OSBPL3: variants seen among roughly 807,000 people sequenced by gnomAD.
OSBPL3 encodes the protein oxysterol binding protein like 3.
A neutral mutation model predicts 120.1 loss-of-function variants in OSBPL3; 65 were observed. That is an observed-to-expected ratio of 0.54 (90% CI 0.44 to 0.67). The LOEUF is 0.67. OSBPL3 is among the 30% of genes least tolerant of loss of function. The pLI is 0.00. For synonymous variants in OSBPL3, 416 were observed against 402.6 expected (o/e 1.03, Z -0.40); for missense variants, 1,004 against 1,082.1 (o/e 0.93, Z 1.01).
chr7:24,863,061 G>GCTACAGAGGACACTGGAAAGAACAA lies in OSBPL3; in HGVS notation c.870+114_870+138dup, dbSNP rs1800801437. 1.5e-6 allele frequency: 1 copy of GCTACAGAGGACACTGGAAAGAACAA among 645,846 alleles called. No homozygotes were observed. The highest frequency in any genetic ancestry group is 2.8e-6 in the Non-Finnish European group (1 of 356,034). 40.0% of individuals were successfully genotyped at this position (645,846 alleles called of 1,614,324 possible). On this transcript the variant is annotated intron_variant, in intron 9 of 22. Coordinates refer to ENST00000313367, the MANE Select transcript of OSBPL3 (RefSeq NM_015550.4). This position sits in a 1 kb window ranked among gnomAD's most constrained non-coding sequence, Gnocchi z 5.8. Reference sequence around the variant, plus strand: ...TAATCTAAGTGATTCAATTCATCTCGCTACAGAGGACACTGGAAAGAACAA... The same window carrying GCTACAGAGGACACTGGAAAGAACAA: ...TAATCTAAGTGATTCAATTCATCTCGCTACAGAGGACACTGGAAAGAACAACTACAGAGGACACTGGAAAGAACAA...
At chr7:24,836,969 G>A (rs748088596) in intron 14 of OSBPL3, among the ~76,000 whole-genome samples, 50 of 152,020 alleles carry the variant, frequency 3.3e-4, no homozygotes, top group Non-Finnish European at 6.5e-4. Flanking sequence ...CAAGTAGCTG[G>A]GACCACAGAT....
At chr7:24,915,015 A>C (rs929271044) in intron 1 of OSBPL3, among the ~76,000 whole-genome samples, 2 of 152,230 alleles carry the variant, frequency 1.3e-5, no homozygotes, top group Non-Finnish European at 2.9e-5. Flanking sequence ...ATCAGATGCC[A>C]ATTTTTTGGT....
At position 24,817,921 on chromosome 7, in the gene OSBPL3, A is replaced by C. The variant is rs1214026655; in HGVS notation, c.1949-1233T>G. ...TACCAACAGAGAAGCCAGGAAATAG[A>C]AAAAGAACAGCAAGAGGATCCCATC... is the stretch of plus-strand genomic sequence containing the variant. On this transcript the variant is annotated intron_variant, in intron 17 of 22. Coordinates refer to ENST00000313367, the MANE Select transcript of OSBPL3 (RefSeq NM_015550.4). The surrounding 1 kb of genome is among the most constrained non-coding windows in gnomAD (Gnocchi z 4.0). Among the ~76,000 whole-genome samples, 1 of 152,200 alleles carries C rather than the reference A, an allele frequency of 6.6e-6. No individual in the cohort carries two copies. The highest frequency in any genetic ancestry group is 2.4e-5 in the African/African-American group (1 of 41,450).
intron 1 of OSBPL3, among the ~76,000 whole-genome samples, chr7:24,923,764 G>C (rs1810704646): frequency 6.6e-6 from 1 of 152,142 alleles, no homozygotes; most frequent in South Asian, 2.1e-4. Flanking sequence ...GTGGGGAGAA[G>C]AGAGATCTTC....
In OSBPL3 at chr7:24,831,709, C is replaced by T. The variant is rs1796385854; in HGVS notation, c.1747-804G>A. On this transcript the variant is annotated intron_variant, in intron 15 of 22. Coordinates refer to ENST00000313367, the MANE Select transcript of OSBPL3 (RefSeq NM_015550.4). This position sits in a 1 kb window ranked among gnomAD's most constrained non-coding sequence, Gnocchi z 4.0. ...GATGTCCAATTTTCCTTTCTAATGTCAGGTAGTAACAATCTCAAGATTTCT... is the reference window on the plus strand; with the variant it reads ...GATGTCCAATTTTCCTTTCTAATGTTAGGTAGTAACAATCTCAAGATTTCT... Among the ~76,000 whole-genome samples, 1 of 152,346 alleles carries T rather than the reference C, an allele frequency of 6.6e-6. No individual in the cohort carries two copies. Among genetic ancestry groups the T allele is most frequent in the African/African-American group, 2.4e-5 (1 of 41,570 alleles).
At chr7:24,979,629 A>C (rs1397386517) in intron 1 of OSBPL3, among the ~76,000 whole-genome samples, 1 of 151,976 alleles carries the variant, frequency 6.6e-6, no homozygotes, top group Non-Finnish European at 1.5e-5. Flanking sequence ...CTGGCGGTCA[A>C]TCCTCTGAGC....
chr7:24,884,422 G>C (rs17150428), intron 2 of OSBPL3, among the ~76,000 whole-genome samples: 3,127 of 152,222 alleles, frequency 0.021, 79 homozygotes, highest in African/African-American at 0.069. Context: ...AGACTCCAAA[G>C]GGTAGCATGA....
Position 24,870,837 on chromosome 7 carries a change from T to C in OSBPL3, c.276A>G (p.Arg92=). 1 of 1,610,550 alleles carries C rather than the reference T, an allele frequency of 6.2e-7. No individual in the cohort carries two copies. Among genetic ancestry groups the C allele is most frequent in the Non-Finnish European group, 8.5e-7 (1 of 1,176,780 alleles). Residue 92 remains arginine (R), a synonymous_variant, in exon 5 of 23, where the codon AGA becomes AGG. Coordinates refer to ENST00000313367, the MANE Select transcript of OSBPL3 (RefSeq NM_015550.4). The part of the protein sequence containing the change: ...KYAKSQTDIE[R]EKLHGCIDVG... ...CATCAATGCAGCCATGCAGCTTCTC[T>C]CTCTCTATCTGCAGAGGCACCAAGA...
rs1806539500 is a variant in OSBPL3, at chr7:24,898,718, A to C, written c.-149-6097T>G. ...TTTAGGCTGGAACCATTTATTTGTCATCACTGAGTAAACAAAACAACAAGC... is the reference window on the plus strand; with the variant it reads ...TTTAGGCTGGAACCATTTATTTGTCCTCACTGAGTAAACAAAACAACAAGC... On this transcript the variant is annotated intron_variant, in intron 1 of 22. Coordinates refer to ENST00000313367, the MANE Select transcript of OSBPL3 (RefSeq NM_015550.4). This position sits in a 1 kb window ranked among gnomAD's most constrained non-coding sequence, Gnocchi z 4.3. Among the ~76,000 whole-genome samples the C allele has an allele frequency of 1.3e-5, 2 of 152,304 alleles. No homozygotes were observed. Among genetic ancestry groups the C allele is most frequent in the South Asian group, 4.1e-4 (2 of 4,826 alleles).
rs1813713863 is a variant in OSBPL3, at chr7:24,946,199, C to T, written c.-150+33687G>A. Among the ~76,000 whole-genome samples, 1 of 152,148 alleles carries T rather than the reference C, an allele frequency of 6.6e-6. No individual in the cohort carries two copies. The highest frequency in any genetic ancestry group is 2.1e-4 in the South Asian group (1 of 4,830). On this transcript the variant is annotated intron_variant, in intron 1 of 22. Transcript: ENST00000313367. This position sits in a 1 kb window ranked among gnomAD's most constrained non-coding sequence, Gnocchi z 4.3. ...GGTCACCTACACATGGTTTCTCCAG[C>T]ATAGAATCTCAGAGTAGCCATACTT...
chr7:24,845,891 C>T (rs539709490), intron 12 of OSBPL3, among the ~76,000 whole-genome samples: 2 of 152,254 alleles, frequency 1.3e-5, no homozygotes, highest in South Asian at 2.1e-4. Context: ...TAGTGAGTGC[C>T]TATAATCCCA....
chr7:24,874,988 T>C (rs2128293437), intron 2 of OSBPL3, among the ~76,000 whole-genome samples: 1 of 152,246 alleles, frequency 6.6e-6, no homozygotes, highest in South Asian at 2.1e-4. Flanking sequence ...GTTGTGACAA[T>C]GATAGGGAGA....
rs1802006042 is a variant in OSBPL3 at position 24,870,849 on chromosome 7, C to A, written c.268-4G>T. 1 of 1,594,988 alleles carries A rather than the reference C, an allele frequency of 6.3e-7. No individual in the cohort carries two copies. The highest frequency in any genetic ancestry group is 1.3e-5 in the African/African-American group (1 of 74,644). ...CATGCAGCTTCTCTCTCTCTATCTG[C>A]AGAGGCACCAAGAGGGTCACTTGGG... On this transcript the variant is annotated splice_region_variant and splice_polypyrimidine_tract_variant and intron_variant, in intron 4 of 22. Coordinates refer to ENST00000313367, the MANE Select transcript of OSBPL3 (RefSeq NM_015550.4).
Position 24,840,707 on chromosome 7 carries a change from T to G in OSBPL3, c.1478A>C (p.Asn493Thr). The change falls in exon 14 of 23, where the codon AAT (asparagine) becomes ACT (threonine). Residue 493 changes from asparagine to threonine, a missense_variant. Transcript: ENST00000313367. ...SLDNLSNDLD[N>T]ERQTLGPVLD... ...AATCTTACCCAAGGTCTGTCTCTCA[T>G]TATCTAAATCATTACTGAGATTATC... is the stretch of plus-strand genomic sequence containing the variant. 1.4e-6 allele frequency: 2 copies of G among 1,420,064 alleles called. No homozygotes were observed. The highest frequency in any genetic ancestry group is 1.9e-6 in the Non-Finnish European group (2 of 1,029,498). The allele number at this position is 1,420,064 out of a possible 1,614,324, so 88.0% of individuals were successfully genotyped here. A position where few individuals can be genotyped will look rare whatever the true frequency, so the allele number is the denominator to read the frequency against.
At position 24,894,214 on chromosome 7, in the gene OSBPL3, C is replaced by A. The variant is rs951517289; in HGVS notation, c.-149-1593G>T. Among the ~76,000 whole-genome samples the A allele has an allele frequency of 3.3e-5, 5 of 152,044 alleles. No individual in the cohort carries two copies. Among genetic ancestry groups the A allele is most frequent in the Admixed American group, 2.0e-4 (3 of 15,252 alleles). ...AGAATCAAAACAATGAAAAGAAATACAAAATCTCAGAAAATGAAATTAAGG... is the reference window on the plus strand; with the variant it reads ...AGAATCAAAACAATGAAAAGAAATAAAAAATCTCAGAAAATGAAATTAAGG... On this transcript the variant is annotated intron_variant, in intron 1 of 22. Transcript: ENST00000313367. This position sits in a 1 kb window ranked among gnomAD's most constrained non-coding sequence, Gnocchi z 4.1.
chr7:24,976,458 T>C (rs1817599739), intron 1 of OSBPL3, among the ~76,000 whole-genome samples: 2 of 152,048 alleles, frequency 1.3e-5, no homozygotes, highest in South Asian at 4.2e-4. Context: ...CTGCAGGGCC[T>C]CCAGGAAAGG....
rs1812001076 is a variant in OSBPL3 at position 24,933,202 on chromosome 7, T to A, written c.-149-40581A>T. On this transcript the variant is annotated intron_variant, in intron 1 of 22. Transcript: ENST00000313367. This position sits in a 1 kb window ranked among gnomAD's most constrained non-coding sequence, Gnocchi z 5.1. The stretch of plus-strand genomic sequence containing the variant: ...TGGGGAATAAAGAGGACAGGGACAT[T>A]CAATTACACGTGTTCAAAGGAGAAA... Among the ~76,000 whole-genome samples, 1 of 152,128 alleles carries A rather than the reference T, an allele frequency of 6.6e-6. No individual in the cohort carries two copies. The highest frequency in any genetic ancestry group is 1.5e-5 in the Non-Finnish European group (1 of 68,012).
rs916631035 is a variant in OSBPL3 at position 24,835,603 on chromosome 7, C to T, written c.1496-867G>A. ...AATATATATTGTTCTACCATAAAGA[C>T]GCATGCACGTGTATGTTTATCACAG... On this transcript the variant is annotated intron_variant, in intron 14 of 22. Coordinates refer to ENST00000313367, the MANE Select transcript of OSBPL3 (RefSeq NM_015550.4). This position sits in a 1 kb window ranked among gnomAD's most constrained non-coding sequence, Gnocchi z 4.8. 1.3e-5 allele frequency among the ~76,000 whole-genome samples: 2 copies of T among 152,044 alleles called. No homozygotes were observed. The highest frequency in any genetic ancestry group is 2.9e-5 in the Non-Finnish European group (2 of 68,018).
intron 1 of OSBPL3, among the ~76,000 whole-genome samples, chr7:24,945,893 G>A (rs1337271711): frequency 6.6e-6 from 1 of 152,172 alleles, no homozygotes; most frequent in East Asian, 1.9e-4. Flanking sequence ...GTTCCAGTTA[G>A]TATTGTTAAG....
Sources: gnomAD v4.1 joint callset for allele counts (sites outside exome capture counted in the v4.1 genomes callset) on GRCh38, gnomAD v4.1.1 for gene constraint, Gnocchi (gnomAD v3.1) non-coding constraint, MANE v1.5 for transcripts, NCBI Gene and HGNC (gene_info 2026-07-23, HGNC 2026-07-21) for gene names.